RNF228: variants seen among roughly 807,000 people sequenced by gnomAD.
The protein encoded by RNF228 is ring finger protein 228.
At chr2:222,314,924 T>C in the RNF228 span, among the ~76,000 whole-genome samples, 1 of 152,342 alleles carries the variant, frequency 6.6e-6, no homozygotes, top group Admixed American at 6.5e-5. Flanking sequence ...TTCACAAAGA[T>C]ACCTTAAAAT....
chr2:222,319,181 G>C, the RNF228 span: 1 of 309,952 alleles, frequency 3.2e-6, no homozygotes. The surrounding 1 kb of genome is among the most constrained non-coding windows in gnomAD (Gnocchi z 7.6). Context: ...AGAGTGCCAG[G>C]ATGCTGGCCA....
At chr2:222,320,090 G>A in the RNF228 span, among the ~76,000 whole-genome samples, 3 of 152,120 alleles carry the variant, frequency 2.0e-5, no homozygotes, top group African/African-American at 7.2e-5. Flanking sequence ...CTCATCGGGG[G>A]CAAGGTGAGG....
chr2:222,317,390 T>C, the RNF228 span: 11 of 152,180 alleles, frequency 7.2e-5, no homozygotes, highest in African/African-American at 2.7e-4. Context: ...TCGATTCAAG[T>C]TCAATTAATA....
chr2:222,314,961 A>C, the RNF228 span, among the ~76,000 whole-genome samples: 4 of 152,250 alleles, frequency 2.6e-5, no homozygotes, highest in Admixed American at 2.6e-4. Context: ...CTGATTAAAA[A>C]TGGAGGCCAA....
At chr2:222,314,920 A>G in the RNF228 span, among the ~76,000 whole-genome samples, 1 of 152,228 alleles carries the variant, frequency 6.6e-6, no homozygotes, top group Non-Finnish European at 1.5e-5. Context: ...CATGTTCACA[A>G]AGATACCTTA....
At chr2:222,316,023 C>A in the RNF228 span, among the ~76,000 whole-genome samples, 1,027 of 152,138 alleles carry the variant, frequency 6.8e-3, 10 homozygotes, top group African/African-American at 0.024. Context: ...TTGAATCAAG[C>A]TTTTCCAAGA....
the RNF228 span, among the ~76,000 whole-genome samples, chr2:222,319,556 G>A: frequency 6.8e-6 from 1 of 146,100 alleles, no homozygotes; most frequent in Non-Finnish European, 1.5e-5. The surrounding 1 kb of genome is among the most constrained non-coding windows in gnomAD (Gnocchi z 7.6). Context: ...GCGCGGGCAG[G>A]CGCGCGGGCA....
At chr2:222,318,065 G>A in the RNF228 span, 1 of 152,186 alleles carries the variant, frequency 6.6e-6, no homozygotes, top group African/African-American at 2.4e-5. Context: ...GCGAGGGGAA[G>A]GAGAAAATCT....
At chr2:222,314,964 G>A in the RNF228 span, among the ~76,000 whole-genome samples, 2 of 152,202 alleles carry the variant, frequency 1.3e-5, no homozygotes, top group Non-Finnish European at 2.9e-5. Context: ...ATTAAAAATG[G>A]AGGCCAAATG....
At chr2:222,314,821 A>T in the RNF228 span, among the ~76,000 whole-genome samples, 1 of 152,266 alleles carries the variant, frequency 6.6e-6, no homozygotes, top group South Asian at 2.1e-4. Flanking sequence ...GAAATTTAAT[A>T]GATCTTTTTC....
chr2:222,314,695 A>G, the RNF228 span, among the ~76,000 whole-genome samples: 2 of 152,264 alleles, frequency 1.3e-5, no homozygotes, highest in Non-Finnish European at 2.9e-5. Flanking sequence ...TTAAGATCAT[A>G]ATAACTGGGA....
At chr2:222,319,531 G>A in the RNF228 span, among the ~76,000 whole-genome samples, 3 of 144,406 alleles carry the variant, frequency 2.1e-5, no homozygotes, top group East Asian at 6.0e-4. The surrounding 1 kb of genome is among the most constrained non-coding windows in gnomAD (Gnocchi z 7.6). Flanking sequence ...GGGGTGGGCG[G>A]CGGGGCAGCA....
chr2:222,317,922 T>A, the RNF228 span: 10 of 152,298 alleles, frequency 6.6e-5, no homozygotes, highest in African/African-American at 2.2e-4. Context: ...AATTTCGAAA[T>A]GTATTTGGAC....
the RNF228 span, among the ~76,000 whole-genome samples, chr2:222,316,437 T>C: frequency 6.6e-6 from 1 of 152,260 alleles, no homozygotes; most frequent in African/African-American, 2.4e-5. Flanking sequence ...ACGTGCAATC[T>C]ATAATAGAAG....
At chr2:222,319,110 G>T in the RNF228 span, 1 of 208,946 alleles carries the variant, frequency 4.8e-6, no homozygotes, top group Non-Finnish European at 9.5e-6. This position sits in a 1 kb window ranked among gnomAD's most constrained non-coding sequence, Gnocchi z 7.6. Flanking sequence ...CGTCGAGCCC[G>T]CGGCCGCACC....
the RNF228 span, among the ~76,000 whole-genome samples, chr2:222,315,331 A>G: frequency 6.6e-6 from 1 of 152,230 alleles, no homozygotes; most frequent in Non-Finnish European, 1.5e-5. Context: ...ATGTCTTTAC[A>G]TTCTGCAGGA....
chr2:222,319,088 G>T, the RNF228 span: 1 of 184,654 alleles, frequency 5.4e-6, no homozygotes, highest in Non-Finnish European at 1.1e-5. The surrounding 1 kb of genome is among the most constrained non-coding windows in gnomAD (Gnocchi z 7.6). Flanking sequence ...CGCCGCCGCC[G>T]CCGCTGCCCC....
chr2:222,315,828 CT>C, the RNF228 span, among the ~76,000 whole-genome samples: 2,600 of 152,270 alleles, frequency 0.017, 61 homozygotes, highest in African/African-American at 0.059. Context: ...AATTCGCCAC[CT>C]GCATCATGAG....
the RNF228 span, chr2:222,319,250 G>C: frequency 3.0e-6 from 1 of 331,106 alleles, no homozygotes; most frequent in East Asian, 4.2e-5. This position sits in a 1 kb window ranked among gnomAD's most constrained non-coding sequence, Gnocchi z 7.6. Flanking sequence ...CCGGTGCCTC[G>C]CCAGGGGGCG....
Sources: allele counts gnomAD v4.1 joint callset (sites outside exome capture counted in the v4.1 genomes callset), GRCh38; gene constraint gnomAD v4.1.1; non-coding constraint Gnocchi (gnomAD v3.1); transcripts MANE v1.5; gene names NCBI Gene and HGNC (gene_info 2026-07-23, HGNC 2026-07-21).